DZIP3: variants seen among roughly 807,000 people sequenced by gnomAD.
The protein encoded by DZIP3 is DAZ interacting zinc finger protein 3.
A neutral mutation model predicts 162.0 loss-of-function variants in DZIP3; 118 were observed. The observed-to-expected ratio is 0.73, with a 90% confidence interval of 0.63 to 0.85. DZIP3 has a LOEUF of 0.85. DZIP3 is among the 40% of genes least tolerant of loss of function. The pLI is 0.00. For missense variants in DZIP3, 1,331 were observed against 1,407.0 expected, an observed-to-expected ratio of 0.95 and a Z score of 0.86; for synonymous variants, 438 against 458.6, an observed-to-expected ratio of 0.96 and a Z score of 0.57.
chr3:108,631,041 ACACACACACACACACTCT>A (rs1941817822), intron 8 of DZIP3, among the ~76,000 whole-genome samples: 2 of 92,894 alleles, frequency 2.2e-5, no homozygotes, highest in Admixed American at 1.2e-4. Flanking sequence ...ACACACACAC[ACACACACACACACACTCT>A]CTCTCTCTCT....
At chr3:108,669,612 G>A in intron 21 of DZIP3, 69 bp from the exon 22 acceptor site, 1 of 1,419,712 alleles carries the variant, frequency 7.0e-7, no homozygotes. Flanking sequence ...GCTGTAGTTA[G>A]AGCTCTTCTG....
chr3:108,624,409 C>A, intron 5 of DZIP3, 35 bp from the exon 6 acceptor site: 1 of 1,240,502 alleles, frequency 8.1e-7, no homozygotes, highest in South Asian at 1.2e-5. Flanking sequence ...GTAGCTTAGT[C>A]TAAATAACCA....
At chr3:108,600,321 G>A (rs953053250) in intron 1 of DZIP3, among the ~76,000 whole-genome samples, 19 of 150,966 alleles carry the variant, frequency 1.3e-4, no homozygotes, top group African/African-American at 4.6e-4. Context: ...CAAGGTGGTG[G>A]TATTACAGCA....
intron 3 of DZIP3, among the ~76,000 whole-genome samples, chr3:108,610,073 T>C (rs1194644464): frequency 1.3e-5 from 2 of 152,166 alleles, no homozygotes; most frequent in Non-Finnish European, 2.9e-5. Flanking sequence ...TTTAGAAAGA[T>C]TGCAAGATAG....
intron 12 of DZIP3, among the ~76,000 whole-genome samples, chr3:108,641,760 G>A (rs1020839065): frequency 3.3e-5 from 5 of 152,064 alleles, no homozygotes; most frequent in African/African-American, 9.7e-5. Context: ...TGTTATAGTG[G>A]TACTGGAGAT....
intron 14 of DZIP3, 126 bp from the exon 15 acceptor site, chr3:108,646,491 G>C (rs544813602): frequency 1.4e-6 from 1 of 706,444 alleles, no homozygotes; most frequent in South Asian, 1.6e-5. Context: ...AGCAAAGCTG[G>C]TTATTTTTCC....
intron 1 of DZIP3, among the ~76,000 whole-genome samples, chr3:108,598,278 G>C (rs1939810766): frequency 6.6e-6 from 1 of 152,154 alleles, no homozygotes; most frequent in Middle Eastern, 3.4e-3. Flanking sequence ...TGCTCTTACG[G>C]ATTTATTAGC....
At chr3:108,642,379 C>G (rs1203860979) in intron 12 of DZIP3, 59 bp from the exon 13 acceptor site, 2 of 1,421,718 alleles carry the variant, frequency 1.4e-6, no homozygotes, top group African/African-American at 1.5e-5. Context: ...TACTAGAAAT[C>G]TTGACTGACT....
intron 12 of DZIP3, among the ~76,000 whole-genome samples, chr3:108,641,471 C>T (rs567346589): frequency 2.0e-5 from 3 of 152,136 alleles, no homozygotes; most frequent in African/African-American, 7.2e-5. Flanking sequence ...ATTTCTAGGT[C>T]CTGGCTATAA....
intron 19 of DZIP3, among the ~76,000 whole-genome samples, chr3:108,661,107 C>G (rs1339332666): frequency 1.3e-5 from 2 of 152,162 alleles, no homozygotes; most frequent in African/African-American, 4.8e-5. Context: ...ACTAGAGATA[C>G]CATTTGACCC....
intron 14 of DZIP3, among the ~76,000 whole-genome samples, 198 bp downstream of exon 14, chr3:108,644,979 A>G (rs1576408825): frequency 6.6e-6 from 1 of 152,310 alleles, no homozygotes; most frequent in South Asian, 2.1e-4. Flanking sequence ...AAGAAGTCCA[A>G]AAAAGCTTTC....
chr3:108,656,693 G>A (rs1233389409), intron 19 of DZIP3, among the ~76,000 whole-genome samples: 1 of 151,990 alleles, frequency 6.6e-6, no homozygotes, highest in East Asian at 1.9e-4. Context: ...AAACTACTCC[G>A]AGCTAAAGGA....
intron 1 of DZIP3, among the ~76,000 whole-genome samples, 167 bp from the exon 2 acceptor site, chr3:108,605,168 A>T (rs1206310437): frequency 6.6e-6 from 1 of 152,224 alleles, no homozygotes; most frequent in Non-Finnish European, 1.5e-5. Flanking sequence ...GTAAAAAATA[A>T]GCATATTAAA....
chr3:108,691,160 G>A (rs1944678929), intron 32 of DZIP3: 1 of 280,328 alleles, frequency 3.6e-6, no homozygotes, highest in Non-Finnish European at 6.6e-6. Flanking sequence ...ATAACTGTTA[G>A]CATATTTCTT....
At position 108,644,471 on chromosome 3, in the gene DZIP3, CA is replaced by C. The variant is rs1576407837; in HGVS notation, c.1455del (p.Gly486AspfsTer18). ...AACATTTAAATGTGTTCCCTGCACCCAAAAAAGGATGGAATATGGAACCGCC... is the reference window on the plus strand; with the variant it reads ...AACATTTAAATGTGTTCCCTGCACCCAAAAAGGATGGAATATGGAACCGCC... The part of the protein sequence containing the change: ...IKHLNVFPAP[K>X]KGWNMEPPSS... On this transcript the variant is annotated frameshift_variant, in exon 14 of 33. Transcript: ENST00000361582. LOFTEE classifies it high-confidence loss of function. 3 of 1,613,894 alleles carry C rather than the reference CA, an allele frequency of 1.9e-6. No homozygotes were observed. Among genetic ancestry groups the C allele is most frequent in the Non-Finnish European group, 1.7e-6 (2 of 1,179,938 alleles).
chr3:108,660,365 C>A (rs2107289105), intron 19 of DZIP3, among the ~76,000 whole-genome samples: 1 of 152,106 alleles, frequency 6.6e-6, no homozygotes, highest in East Asian at 1.9e-4. Flanking sequence ...CTTTGAAAAA[C>A]CTGACAAAAA....
Position 108,605,321 on chromosome 3 carries a change from T to A in DZIP3, c.-72-14T>A. 1.3e-6 allele frequency: 2 copies of A among 1,533,314 alleles called. No homozygotes were observed. Among genetic ancestry groups the A allele is most frequent in the Non-Finnish European group, 8.9e-7 (1 of 1,118,118 alleles). The allele number at this position is 1,533,314 out of a possible 1,614,324, so 95.0% of individuals were successfully genotyped here. On this transcript the variant is annotated splice_polypyrimidine_tract_variant and intron_variant, in intron 1 of 32. Coordinates refer to ENST00000361582, the MANE Select transcript of DZIP3 (RefSeq NM_014648.4). ...AACTTTCCTATCTTCATAAAAATATTATTTTCCTTACAGCATTAAAGGGCA... is the reference window on the plus strand; with the variant it reads ...AACTTTCCTATCTTCATAAAAATATAATTTTCCTTACAGCATTAAAGGGCA...
At chr3:108,619,329 G>T (rs1183258559) in intron 5 of DZIP3, among the ~76,000 whole-genome samples, 3 of 148,518 alleles carry the variant, frequency 2.0e-5, no homozygotes, top group African/African-American at 7.6e-5. Context: ...TGTGTGTTTT[G>T]TTTTATATAC....
At chr3:108,691,103 G>A in intron 32 of DZIP3, 200 bp downstream of exon 32, 1 of 516,906 alleles carries the variant, frequency 1.9e-6, no homozygotes, top group East Asian at 3.2e-5. Context: ...AATTTTAATA[G>A]TTACACTATA....
Sources: allele counts gnomAD v4.1 joint callset (sites outside exome capture counted in the v4.1 genomes callset), GRCh38; gene constraint gnomAD v4.1.1; transcripts MANE v1.5; gene names NCBI Gene and HGNC (gene_info 2026-07-23, HGNC 2026-07-21).